CTNNA3: variants seen among roughly 807,000 people sequenced by gnomAD.
The protein encoded by CTNNA3 is catenin alpha 3.
CTNNA3 carries 76 observed loss-of-function variants against 95.7 expected under a neutral mutation model. The ratio of observed to expected loss-of-function variants is 0.79; its 90% CI spans 0.66 to 0.96. CTNNA3 has a LOEUF of 0.96. Among genes scored for constraint, CTNNA3 ranks in the 40% least tolerant of loss-of-function variants. The probability of loss-of-function intolerance (pLI) is 0.00; values close to 1 mark genes in which losing one functional copy is unlikely to be tolerated. For missense variants in CTNNA3, 1,191 were observed against 1,089.8 expected, an observed-to-expected ratio of 1.09 and a Z score of -1.31; for synonymous variants, 431 against 374.4, an observed-to-expected ratio of 1.15 and a Z score of -1.74.
chr10:67,617,275 C>A (rs1041007964), intron 2 of CTNNA3, among the ~76,000 whole-genome samples: 55 of 152,064 alleles, frequency 3.6e-4, no homozygotes, highest in African/African-American at 1.3e-3. Context: ...CTTATAGGAC[C>A]CAGTGTCTGT....
chr10:67,581,620 T>A (rs1279847304), intron 3 of CTNNA3, among the ~76,000 whole-genome samples: 4 of 152,200 alleles, frequency 2.6e-5, no homozygotes, highest in Admixed American at 2.0e-4. Context: ...ATTGGAATAG[T>A]TTCAGAAGGA....
At chr10:66,771,488 T>C (rs1422379639) in intron 8 of CTNNA3, among the ~76,000 whole-genome samples, 1 of 152,024 alleles carries the variant, frequency 6.6e-6, no homozygotes, top group Non-Finnish European at 1.5e-5. Context: ...AAACAAATAA[T>C]AAAGAAAATA....
chr10:66,575,747 A>G (rs1335037298), intron 10 of CTNNA3, among the ~76,000 whole-genome samples: 2 of 152,098 alleles, frequency 1.3e-5, no homozygotes, highest in Non-Finnish European at 2.9e-5. Context: ...GCTGTTTTCA[A>G]TGAGGATATA....
In CTNNA3 at chr10:66,103,161, T is replaced by G; in HGVS notation, c.1973A>C (p.Asp658Ala). ...HTSIQTEGKT[D>A]RAKMTQLPEA... ...CCACCAGTTGAAGTGACATACCCTA[T>G]CAGTTTTCCCTTCGGTCTGAATGCT... Residue 658 changes from aspartate to alanine, a missense_variant, in exon 14 of 18, where the codon GAT (aspartate) becomes GCT (alanine). Coordinates refer to ENST00000433211, the MANE Select transcript of CTNNA3 (RefSeq NM_013266.4). The G allele has an allele frequency of 1.2e-6, 2 of 1,612,898 alleles. No individual in the cohort carries two copies. The highest frequency in any genetic ancestry group is 8.5e-7 in the Non-Finnish European group (1 of 1,178,866).
At chr10:67,726,501 AATATATT>A (rs1302697581) in intron 1 of CTNNA3, among the ~76,000 whole-genome samples, 1 of 55,952 alleles carries the variant, frequency 1.8e-5, no homozygotes. Flanking sequence ...TACAATATAT[AATATATT>A]ATATATTATA....
chr10:66,755,491 T>C (rs1349185333), intron 9 of CTNNA3, among the ~76,000 whole-genome samples: 2 of 152,250 alleles, frequency 1.3e-5, no homozygotes, highest in Non-Finnish European at 2.9e-5. Flanking sequence ...TCATTTGTAA[T>C]TAGGGAAATG....
chr10:67,048,183 A>C (rs1204326070), intron 7 of CTNNA3, among the ~76,000 whole-genome samples: 1 of 152,080 alleles, frequency 6.6e-6, no homozygotes, highest in Non-Finnish European at 1.5e-5. Context: ...ATGAGGTACA[A>C]ACAAAAATAA....
chr10:65,955,622 C>T (rs959762134), intron 17 of CTNNA3, among the ~76,000 whole-genome samples: 3 of 152,114 alleles, frequency 2.0e-5, no homozygotes, highest in South Asian at 2.1e-4. Context: ...TGTCAAAGGC[C>T]TTTTCTGCAT....
chr10:66,662,503 A>G (rs1170496138), intron 9 of CTNNA3, among the ~76,000 whole-genome samples: 1 of 152,004 alleles, frequency 6.6e-6, no homozygotes, highest in Non-Finnish European at 1.5e-5. Flanking sequence ...TTCCCCTTTC[A>G]TTAACAAATA....
chr10:66,335,285 C>A (rs2092381527), intron 12 of CTNNA3, among the ~76,000 whole-genome samples: 1 of 152,114 alleles, frequency 6.6e-6, no homozygotes, highest in Non-Finnish European at 1.5e-5. Context: ...AGCTGCATTC[C>A]TTTGGAGGAG....
chr10:66,994,209 A>T (rs1851202148), intron 7 of CTNNA3, among the ~76,000 whole-genome samples: 1 of 152,158 alleles, frequency 6.6e-6, no homozygotes, highest in African/African-American at 2.4e-5. Flanking sequence ...CTACCCAGGT[A>T]CTCCAGTGGT....
intron 7 of CTNNA3, among the ~76,000 whole-genome samples, chr10:67,013,549 C>G (rs184159892): frequency 6.6e-6 from 1 of 152,136 alleles, no homozygotes; most frequent in Admixed American, 6.6e-5. Context: ...TATACCATGA[C>G]CTCGGCAAAC....
chr10:67,453,245 T>A (rs1247004836), intron 5 of CTNNA3, among the ~76,000 whole-genome samples: 1 of 152,124 alleles, frequency 6.6e-6, no homozygotes, highest in Non-Finnish European at 1.5e-5. Flanking sequence ...AATCCCACAA[T>A]AGATATACAA....
At chr10:65,970,760 C>T (rs1015644551) in intron 16 of CTNNA3, among the ~76,000 whole-genome samples, 2 of 148,970 alleles carry the variant, frequency 1.3e-5, no homozygotes, top group Admixed American at 6.7e-5. Flanking sequence ...AAACCAACAA[C>T]AGTAATAAAG....
chr10:67,237,292 A>G (rs1865530374), intron 5 of CTNNA3, among the ~76,000 whole-genome samples: 1 of 151,140 alleles, frequency 6.6e-6, no homozygotes, highest in African/African-American at 2.4e-5. Flanking sequence ...TGGAAAACCA[A>G]ACATCATGTG....
chr10:67,362,657 G>A (rs1454935822), intron 5 of CTNNA3, among the ~76,000 whole-genome samples: 1 of 151,992 alleles, frequency 6.6e-6, no homozygotes, highest in Non-Finnish European at 1.5e-5. Flanking sequence ...CATACTGAAT[G>A]AGCAAAAGCT....
chr10:66,022,356 T>C (rs2079236301), intron 15 of CTNNA3, among the ~76,000 whole-genome samples: 1 of 152,148 alleles, frequency 6.6e-6, no homozygotes, highest in South Asian at 2.1e-4. Context: ...CTTCAACCTA[T>C]GCGCAAAGTA....
At chr10:67,518,451 A>G (rs1232285504) in intron 5 of CTNNA3, among the ~76,000 whole-genome samples, 1 of 152,156 alleles carries the variant, frequency 6.6e-6, no homozygotes, top group African/African-American at 2.4e-5. Flanking sequence ...CAGAGAGACA[A>G]GAATCAGATA....
intron 1 of CTNNA3, among the ~76,000 whole-genome samples, chr10:67,672,677 A>T (rs962829843): frequency 1.3e-5 from 2 of 151,908 alleles, no homozygotes; most frequent in Non-Finnish European, 2.9e-5. Flanking sequence ...TGTAGATATG[A>T]GGCATTATTT....
Sources: gnomAD v4.1 joint callset for allele counts (sites outside exome capture counted in the v4.1 genomes callset) on GRCh38, gnomAD v4.1.1 for gene constraint, MANE v1.5 for transcripts, NCBI Gene and HGNC (gene_info 2026-07-23, HGNC 2026-07-21) for gene names.